The following OSBPL8 variants were observed in gnomAD, a reference collection of about 807,000 sequenced individuals.
OSBPL8 encodes the protein oxysterol-binding protein-related protein 8.
In OSBPL8, 59 loss-of-function variants were observed where a neutral mutation model predicts 125.5. That is an observed-to-expected ratio of 0.47 (90% CI 0.38 to 0.58). The LOEUF (loss-of-function observed/expected upper bound fraction) is 0.58, where lower values mean the gene tolerates loss of function less well. Ranked by LOEUF, OSBPL8 falls within the 20% of genes least tolerant of loss-of-function variation. OSBPL8 has a pLI of 0.00. For missense variants in OSBPL8, 758 were observed against 1,047.8 expected, an observed-to-expected ratio of 0.72 and a Z score of 3.82; for synonymous variants, 330 against 338.9, an observed-to-expected ratio of 0.97 and a Z score of 0.29.
At position 76,493,631 on chromosome 12, in the gene OSBPL8, T is replaced by C. The variant is rs769447462; in HGVS notation, c.-67-6013A>G. Among the ~76,000 whole-genome samples, 22 of 152,218 alleles carry C rather than the reference T, an allele frequency of 1.4e-4. 1 individual carries two copies. Among genetic ancestry groups the C allele is most frequent in the Non-Finnish European group, 5.9e-5 (4 of 68,042 alleles). On this transcript the variant is annotated intron_variant, in intron 1 of 23. Coordinates refer to ENST00000261183, the MANE Select transcript of OSBPL8 (RefSeq NM_020841.5). The stretch of plus-strand genomic sequence containing the variant: ...AGCTCCCTTGCATGTGAGGATCCTT[T>C]TTTTATCTTGCTGCTTTTAAAATTC...
chr12:76,522,673 T>C (rs183393068), intron 1 of OSBPL8, among the ~76,000 whole-genome samples: 1,614 of 152,306 alleles, frequency 0.011, 18 homozygotes, highest in Non-Finnish European at 0.017. Flanking sequence ...GCTGAGCAGA[T>C]GTCAATGCCA....
At chr12:76,393,643 G>A (rs1481254873) in intron 9 of OSBPL8, among the ~76,000 whole-genome samples, 1 of 143,682 alleles carries the variant, frequency 7.0e-6, no homozygotes, top group Non-Finnish European at 1.5e-5. Flanking sequence ...CCCGGGAGAC[G>A]GAGCTTGCAG....
At chr12:76,462,031 T>C (rs1334624519) in intron 2 of OSBPL8, among the ~76,000 whole-genome samples, 3 of 152,204 alleles carry the variant, frequency 2.0e-5, no homozygotes, top group Non-Finnish European at 2.9e-5. Flanking sequence ...TGAATTGATA[T>C]AAATGATTGC....
intron 20 of OSBPL8, 47 bp from the exon 21 acceptor site, chr12:76,369,348 A>T: frequency 1.9e-6 from 3 of 1,557,912 alleles, no homozygotes; most frequent in Non-Finnish European, 2.6e-6. Context: ...TGACTAAACA[A>T]AGAACTTTAA....
chr12:76,558,160 T>C (rs1291701187), intron 1 of OSBPL8, among the ~76,000 whole-genome samples: 1 of 152,192 alleles, frequency 6.6e-6, no homozygotes, highest in Non-Finnish European at 1.5e-5. Context: ...CATTTGAAAT[T>C]AGTTGTACTT....
At chr12:76,456,827 T>C (rs1183152532) in intron 3 of OSBPL8, among the ~76,000 whole-genome samples, 1 of 152,202 alleles carries the variant, frequency 6.6e-6, no homozygotes, top group Non-Finnish European at 1.5e-5. Context: ...TACTATACCA[T>C]ATTTATTGAT....
At chr12:76,532,036 C>CAA (rs56122052) in intron 1 of OSBPL8, among the ~76,000 whole-genome samples, 1,431 of 89,822 alleles carry the variant, frequency 0.016, 26 homozygotes, top group Non-Finnish European at 0.02. Flanking sequence ...GACTCCTTCT[C>CAA]AAAAAAAAAA....
At chr12:76,437,413 T>A (rs1421490339) in intron 4 of OSBPL8, among the ~76,000 whole-genome samples, 2 of 152,230 alleles carry the variant, frequency 1.3e-5, no homozygotes, top group Non-Finnish European at 2.9e-5. Context: ...TTGAGCATCA[T>A]TTCACATTTA....
chr12:76,438,217 A>C (rs906668073), intron 4 of OSBPL8, among the ~76,000 whole-genome samples: 1 of 151,116 alleles, frequency 6.6e-6, no homozygotes, highest in Non-Finnish European at 1.5e-5. Flanking sequence ...CGATCTCCTG[A>C]CCTCATGATC....
intron 5 of OSBPL8, among the ~76,000 whole-genome samples, chr12:76,409,309 C>T (rs896070172): frequency 4.6e-5 from 7 of 152,144 alleles, no homozygotes; most frequent in African/African-American, 1.7e-4. Context: ...CACAGAGATA[C>T]CAAGAAGAAG....
intron 1 of OSBPL8, among the ~76,000 whole-genome samples, chr12:76,520,370 C>T (rs1013535456): frequency 6.6e-6 from 1 of 152,132 alleles, no homozygotes; most frequent in African/African-American, 2.4e-5. Context: ...TATCTATCTG[C>T]CTCCCCCCAT....
chr12:76,531,207 C>T (rs1950330640), intron 1 of OSBPL8, among the ~76,000 whole-genome samples: 1 of 152,134 alleles, frequency 6.6e-6, no homozygotes, highest in Non-Finnish European at 1.5e-5. Context: ...CCTTATAAAA[C>T]CACCAGAAGT....
At chr12:76,487,873 T>A (rs1018480459) in intron 1 of OSBPL8, among the ~76,000 whole-genome samples, 1 of 152,174 alleles carries the variant, frequency 6.6e-6, no homozygotes, top group African/African-American at 2.4e-5. Flanking sequence ...TTTGAAAGGA[T>A]GCATAAATCT....
chr12:76,481,230 A>C (rs2136984666), intron 2 of OSBPL8, among the ~76,000 whole-genome samples: 1 of 152,344 alleles, frequency 6.6e-6, no homozygotes, highest in South Asian at 2.1e-4. Flanking sequence ...TGAGCCTCTA[A>C]ATCTGTGGCA....
chr12:76,492,909 T>C (rs1300018041), intron 1 of OSBPL8, among the ~76,000 whole-genome samples: 1 of 150,402 alleles, frequency 6.6e-6, no homozygotes, highest in African/African-American at 2.5e-5. Flanking sequence ...CTATAGGATA[T>C]ATAGATATAT....
At position 76,408,589 on chromosome 12, in the gene OSBPL8, G is replaced by A. The variant is rs1006214598; in HGVS notation, c.288+1975C>T. 5.9e-5 allele frequency among the ~76,000 whole-genome samples: 9 copies of A among 152,062 alleles called. No individual in the cohort carries two copies. The South Asian group carries it at 1.0e-3, about 18-fold the overall frequency. ...TTAAAGCAGTGCTGCCCAGTAGAAC[G>A]TTCTAAATGACAGATGTCCTATATC... On this transcript the variant is annotated intron_variant, in intron 5 of 23. Transcript: ENST00000261183.
chr12:76,509,987 TC>T (rs1234517636), intron 1 of OSBPL8, among the ~76,000 whole-genome samples: 2 of 152,148 alleles, frequency 1.3e-5, no homozygotes, highest in Non-Finnish European at 2.9e-5. Flanking sequence ...CACTGCCTCT[TC>T]CCAAAAAACT....
intron 4 of OSBPL8, among the ~76,000 whole-genome samples, chr12:76,432,208 A>C (rs1438310671): frequency 2.0e-5 from 3 of 152,204 alleles, no homozygotes; most frequent in African/African-American, 7.2e-5. Context: ...AAGACAAACA[A>C]AAAACAGAAA....
chr12:76,518,792 G>A (rs1030469757), intron 1 of OSBPL8, among the ~76,000 whole-genome samples: 2 of 152,238 alleles, frequency 1.3e-5, no homozygotes, highest in African/African-American at 2.4e-5. Context: ...CGAGGCTGGA[G>A]CTGGAGCAGC....
Sources: gnomAD v4.1 joint callset for allele counts (sites outside exome capture counted in the v4.1 genomes callset) on GRCh38, gnomAD v4.1.1 for gene constraint, MANE v1.5 for transcripts, NCBI Gene and HGNC (gene_info 2026-07-23, HGNC 2026-07-21) for gene names.